The following RAD51AP2 variants were observed in gnomAD, a reference collection of about 807,000 sequenced individuals.
RAD51AP2 encodes the protein RAD51 associated protein 2.
RAD51AP2 carries 67 observed loss-of-function variants against 85.5 expected under a neutral mutation model. The ratio of observed to expected loss-of-function variants is 0.78; its 90% confidence interval spans 0.64 to 0.96. The LOEUF (loss-of-function observed/expected upper bound fraction) is 0.96. Among genes scored for constraint, RAD51AP2 ranks in the 40% least tolerant of loss-of-function variants. The pLI, the probability that RAD51AP2 is intolerant of heterozygous loss-of-function variation, is 0.00. For synonymous variants in RAD51AP2, 474 were observed against 446.5 expected (o/e 1.06, Z -0.78); for missense variants, 1,307 against 1,332.4 (o/e 0.98, Z 0.30).
At chr2:17,534,070 A>T in the RAD51AP2 span, among the ~76,000 whole-genome samples, 1 of 152,214 alleles carries the variant, frequency 6.6e-6, no homozygotes, top group South Asian at 2.1e-4. Context: ...TTATATTTCA[A>T]GCAACTTGAA....
At chr2:17,511,003 C>T (rs750488226) in intron 2 of RAD51AP2, 48 bp from the exon 3 acceptor site, 1 of 1,336,682 alleles carries the variant, frequency 7.5e-7, no homozygotes, top group East Asian at 2.6e-5. Context: ...AGTTTCTATG[C>T]CTAAAAATCT....
At chr2:17,512,895 G>A (rs1474175016) in intron 2 of RAD51AP2, among the ~76,000 whole-genome samples, 2 of 152,174 alleles carry the variant, frequency 1.3e-5, no homozygotes, top group Non-Finnish European at 2.9e-5. Flanking sequence ...AAGAGGAAAA[G>A]ATACAATTCT....
chr2:17,529,316 CT>C, the RAD51AP2 span, among the ~76,000 whole-genome samples: 1 of 151,238 alleles, frequency 6.6e-6, no homozygotes, highest in African/African-American at 2.4e-5. Context: ...TAAAAAACAA[CT>C]GTTTTCTACT....
chr2:17,518,348 G>A lies in RAD51AP2; in HGVS notation c.68C>T (p.Pro23Leu). 1 of 1,613,928 alleles carries A rather than the reference G, an allele frequency of 6.2e-7. No homozygotes were observed. Among genetic ancestry groups the A allele is most frequent in the African/African-American group, 1.3e-5 (1 of 75,016 alleles). Residue 23 changes from proline to leucine, a missense_variant, in exon 1 of 3, where the codon CCT becomes CTT. This residue lies in a region of RAD51AP2 where 635 missense variants were observed against 643.6 expected (regional missense o/e 0.99). Coordinates refer to ENST00000399080, the MANE Select transcript of RAD51AP2 (RefSeq NM_001099218.3). Reference sequence around the variant, plus strand: ...AGGTGGTTGGGAATCCGGGTCCTCAGGAGGCGTTAAAGAGGAGGTAGGCTT... The same window carrying A: ...AGGTGGTTGGGAATCCGGGTCCTCAAGAGGCGTTAAAGAGGAGGTAGGCTT... ...LRKPTSSLTPPEDPDSQPPSS... is the reference protein window; with the variant it reads ...LRKPTSSLTPLEDPDSQPPSS...
chr2:17,532,977 T>C, the RAD51AP2 span, among the ~76,000 whole-genome samples: 1 of 152,212 alleles, frequency 6.6e-6, no homozygotes, highest in Non-Finnish European at 1.5e-5. Flanking sequence ...CTAAAATCAG[T>C]AAAACTGTTA....
In RAD51AP2 at chr2:17,510,902, T is replaced by C. The variant is rs1047338137; in HGVS notation, c.3382A>G (p.Arg1128Gly). The C allele has an allele frequency of 1.9e-6, 3 of 1,609,314 alleles. No individual in the cohort carries two copies. Among genetic ancestry groups the C allele is most frequent in the Non-Finnish European group, 2.5e-6 (3 of 1,177,316 alleles). The change falls in exon 3 of 3, where the codon AGG becomes GGG. Residue 1128 changes from arginine to glycine, a missense_variant. Arg to Gly is a moderately radical substitution (Grantham distance 125). Around this residue, in one of 3 missense-constraint regions of RAD51AP2, gnomAD observed 668 missense variants for 671.0 expected, o/e 1.00. Transcript: ENST00000399080. ...SRVRPLKTCSRPIRIGLSRKA... is the reference protein window; with the variant it reads ...SRVRPLKTCSGPIRIGLSRKA... ...CTTGACAAACCAATCCTGATTGGCCTACTGCATGTCTTAAGCGGTCGTACT... is the reference window on the plus strand; with the variant it reads ...CTTGACAAACCAATCCTGATTGGCCCACTGCATGTCTTAAGCGGTCGTACT...
rs753206259 is a variant in RAD51AP2, at chr2:17,517,552, T to C, written c.864A>G (p.Ala288=). ...IAKKKNDKKE[A]YVRDFTNIYW... is the part of the protein sequence containing the mutation. ...AAATGTTTGTGAAATCCCTAACATA[T>C]GCCTCTTTTTTGTCATTCTTTTTCT... Residue 288 remains alanine (A), a synonymous_variant, in exon 1 of 3, where the codon GCA becomes GCG. Transcript: ENST00000399080. 4 of 1,613,756 alleles carry C rather than the reference T, an allele frequency of 2.5e-6. No homozygotes were observed. Among genetic ancestry groups the C allele is most frequent in the East Asian group, 2.2e-5 (1 of 44,864 alleles).
At chr2:17,525,320 G>A in the RAD51AP2 span, among the ~76,000 whole-genome samples, 8 of 151,922 alleles carry the variant, frequency 5.3e-5, no homozygotes, top group African/African-American at 1.7e-4. Context: ...GAGAATTAAT[G>A]AAAGAAAATG....
At chr2:17,511,778 T>C (rs140240453) in intron 2 of RAD51AP2, among the ~76,000 whole-genome samples, 28 of 152,300 alleles carry the variant, frequency 1.8e-4, no homozygotes, top group Admixed American at 1.7e-3. Flanking sequence ...TGTATGTATC[T>C]ATGTAAACTT....
At chr2:17,532,018 G>A in the RAD51AP2 span, among the ~76,000 whole-genome samples, 1 of 151,828 alleles carries the variant, frequency 6.6e-6, no homozygotes, top group Non-Finnish European at 1.5e-5. Context: ...TTCAAACCTC[G>A]GCAATTTTCA....
At chr2:17,528,568 C>A in the RAD51AP2 span, among the ~76,000 whole-genome samples, 2 of 152,098 alleles carry the variant, frequency 1.3e-5, no homozygotes, top group African/African-American at 4.8e-5. Flanking sequence ...GTCAGATAGG[C>A]ACGGTGGTTC....
intron 1 of RAD51AP2, 121 bp downstream of exon 1, chr2:17,515,048 A>T: frequency 2.6e-6 from 2 of 766,594 alleles, no homozygotes; most frequent in Middle Eastern, 3.8e-4. Flanking sequence ...ATCAATAAAC[A>T]TTGTCTTGCA....
chr2:17,533,725 T>C, the RAD51AP2 span, among the ~76,000 whole-genome samples: 2 of 152,074 alleles, frequency 1.3e-5, no homozygotes, highest in Non-Finnish European at 2.9e-5. Context: ...AATAACCTGG[T>C]CAACCTGGCC....
rs913644091 is a variant in RAD51AP2, at chr2:17,517,858, A to G, written c.558T>C (p.Val186=). 6.2e-7 allele frequency: 1 copy of G among 1,614,022 alleles called. No homozygotes were observed. The highest frequency in any genetic ancestry group is 1.3e-5 in the African/African-American group (1 of 74,926). ...KQQFVQGRDN[V]HKENPFLDVT... Reference sequence around the variant, plus strand: ...CATCTAAAAATGGATTTTCTTTGTGAACATTGTCTCTTCCTTGGACAAACT... The same window carrying G: ...CATCTAAAAATGGATTTTCTTTGTGGACATTGTCTCTTCCTTGGACAAACT... The change falls in exon 1 of 3, where the codon GTT becomes GTC. Residue 186 remains valine (V), a synonymous_variant. Transcript: ENST00000399080.
chr2:17,518,732 T>A (rs1662787400), upstream of RAD51AP2, among the ~76,000 whole-genome samples: 1 of 152,034 alleles, frequency 6.6e-6, no homozygotes, highest in Admixed American at 6.5e-5. Flanking sequence ...AGAGTCTAAA[T>A]GCTTTTTTCC....
intron 2 of RAD51AP2, 98 bp from the exon 3 acceptor site, chr2:17,511,053 T>G: frequency 1.5e-6 from 1 of 669,584 alleles, no homozygotes; most frequent in Non-Finnish European, 2.3e-6. Flanking sequence ...TACTGAATAT[T>G]TACTGAGCAC....
chr2:17,523,479 C>G, the RAD51AP2 span, among the ~76,000 whole-genome samples: 1 of 151,824 alleles, frequency 6.6e-6, no homozygotes, highest in African/African-American at 2.4e-5. Flanking sequence ...GCATCAAACT[C>G]TGTCTTATGT....
chr2:17,519,427 C>T (rs76204223), upstream of RAD51AP2, among the ~76,000 whole-genome samples: 37 of 152,056 alleles, frequency 2.4e-4, no homozygotes, highest in East Asian at 5.8e-3. Context: ...ATAAACACCT[C>T]GATTCCCTTG....
chr2:17,519,886 T>A (rs1399268700), upstream of RAD51AP2, among the ~76,000 whole-genome samples: 1 of 152,204 alleles, frequency 6.6e-6, no homozygotes. Flanking sequence ...AGCTAAGGTG[T>A]ATATAATTGG....
Sources: allele counts gnomAD v4.1 joint callset (sites outside exome capture counted in the v4.1 genomes callset), GRCh38; gene constraint gnomAD v4.1.1; regional missense constraint gnomAD v4.1.1; transcripts MANE v1.5; gene names NCBI Gene and HGNC (gene_info 2026-07-23, HGNC 2026-07-21).